The following DIAPH2 variants were observed in gnomAD, a reference collection of about 807,000 sequenced individuals.
The protein encoded by DIAPH2 is diaphanous related formin 2.
Under a neutral mutation model 92.7 loss-of-function variants are expected in DIAPH2, and 35 were observed. The observed-to-expected ratio is 0.38, with a 90% CI of 0.29 to 0.50. The LOEUF (loss-of-function observed/expected upper bound fraction) is 0.50, where lower values mean the gene tolerates loss of function less well. DIAPH2 is among the 20% of genes least tolerant of loss of function. DIAPH2 has a pLI of 0.94. For synonymous variants in DIAPH2, 301 were observed against 280.4 expected (o/e 1.07, Z -0.73); for missense variants, 701 against 819.5 (o/e 0.86, Z 1.77).
intron 26 of DIAPH2, among the ~76,000 whole-genome samples, chrX:97,471,461 C>T (rs910380462): frequency 5.4e-5 from 6 of 110,557 alleles, no homozygotes; most frequent in African/African-American, 9.9e-5. Flanking sequence ...GAGGCCAAGG[C>T]GGGCGGATCA....
At chrX:96,986,699 T>A (rs1269187067) in intron 17 of DIAPH2, among the ~76,000 whole-genome samples, 2 of 111,453 alleles carry the variant, frequency 1.8e-5, no homozygotes, top group Non-Finnish European at 3.8e-5. Context: ...CTTAAGGACA[T>A]GTACCCTGAA....
intron 23 of DIAPH2, among the ~76,000 whole-genome samples, chrX:97,250,843 C>T (rs1478145934): frequency 1.8e-5 from 2 of 111,776 alleles, no homozygotes; most frequent in Non-Finnish European, 3.8e-5. Flanking sequence ...ACAAATGTAT[C>T]ATTGAATCAC....
At chrX:97,054,916 A>G (rs2066545631) in intron 17 of DIAPH2, among the ~76,000 whole-genome samples, 1 of 111,633 alleles carries the variant, frequency 9.0e-6, no homozygotes. Context: ...CTGTAATTTC[A>G]TAGCTCTTCT....
At chrX:96,783,361 A>G (rs1390371459) in intron 4 of DIAPH2, among the ~76,000 whole-genome samples, 1 of 112,437 alleles carries the variant, frequency 8.9e-6, no homozygotes, top group Admixed American at 9.4e-5. Context: ...TGGACAGAAG[A>G]TACAAAGGAA....
intron 17 of DIAPH2, among the ~76,000 whole-genome samples, chrX:97,060,559 C>T (rs1045872890): frequency 3.0e-4 from 33 of 111,583 alleles, no homozygotes; most frequent in Admixed American, 2.7e-3. Context: ...ATCCACCGTA[C>T]ATTTGAGTTT....
At chrX:97,003,987 T>C in intron 17 of DIAPH2, among the ~76,000 whole-genome samples, 1 of 111,833 alleles carries the variant, frequency 8.9e-6, no homozygotes, top group Middle Eastern at 4.6e-3. Context: ...TAGGGGCTAG[T>C]TTCATTCTTC....
At chrX:97,174,616 C>T (rs1307530673) in intron 22 of DIAPH2, among the ~76,000 whole-genome samples, 1 of 111,837 alleles carries the variant, frequency 8.9e-6, no homozygotes, top group African/African-American at 3.2e-5. Context: ...GCTGTTTTCC[C>T]AGGAAACATT....
At chrX:97,227,242 C>A (rs771398244) in intron 22 of DIAPH2, among the ~76,000 whole-genome samples, 1 of 111,259 alleles carries the variant, frequency 9.0e-6, no homozygotes, top group Non-Finnish European at 1.9e-5. Context: ...CCACTGCACT[C>A]CAGCCTGGGT....
At chrX:96,968,282 A>G (rs1398366134) in intron 17 of DIAPH2, among the ~76,000 whole-genome samples, 5 of 110,613 alleles carry the variant, frequency 4.5e-5, no homozygotes, top group Non-Finnish European at 9.4e-5. Flanking sequence ...GCGATGGTGC[A>G]ATCTCAGCTC....
intron 23 of DIAPH2, among the ~76,000 whole-genome samples, chrX:97,260,831 C>T (rs759800941): frequency 7.2e-5 from 8 of 111,868 alleles, no homozygotes; most frequent in Non-Finnish European, 1.5e-4. Flanking sequence ...TTATCCAAAC[C>T]GAACTTTTAA....
At chrX:96,955,691 T>C (rs1200495839) in intron 15 of DIAPH2, among the ~76,000 whole-genome samples, 1 of 112,139 alleles carries the variant, frequency 8.9e-6, no homozygotes. Flanking sequence ...GCAGGCCCCA[T>C]GCAAGTCTAA....
intron 4 of DIAPH2, among the ~76,000 whole-genome samples, chrX:96,830,425 G>C (rs2064844876): frequency 9.2e-6 from 1 of 108,385 alleles, no homozygotes; most frequent in Admixed American, 9.9e-5. Flanking sequence ...CAAAAAATTA[G>C]CCGGGCATGG....
At chrX:97,444,006 A>G (rs1021432430) in intron 26 of DIAPH2, among the ~76,000 whole-genome samples, 6 of 112,431 alleles carry the variant, frequency 5.3e-5, no homozygotes, top group Non-Finnish European at 7.5e-5. Flanking sequence ...TTTCTTTAGA[A>G]TATCAGTAAG....
At chrX:96,753,764 A>T (rs185745259) in intron 3 of DIAPH2, among the ~76,000 whole-genome samples, 213 of 112,236 alleles carry the variant, frequency 1.9e-3, no homozygotes, top group African/African-American at 6.6e-3. Flanking sequence ...TAACTTCCAG[A>T]ACCACACAAC....
rs1015090076 is a variant in DIAPH2 at position 97,302,939 on chromosome X, G to A, written c.2845-45177G>A. Among the ~76,000 whole-genome samples the A allele has an allele frequency of 4.5e-5, 5 of 112,203 alleles. No homozygotes were observed. In the East Asian group the frequency reaches 8.4e-4, roughly 19 times the overall value. ...GCGGAGGTTGCAGTGAGCCGAGATC[G>A]CGCCACTGCACTCCAGCCTAGGGGA... On this transcript the variant is annotated intron_variant, in intron 23 of 26. Transcript: ENST00000324765.
At chrX:97,278,086 C>T (rs7050331) in intron 23 of DIAPH2, among the ~76,000 whole-genome samples, 4 of 111,977 alleles carry the variant, frequency 3.6e-5, no homozygotes, top group African/African-American at 9.7e-5. Flanking sequence ...CCTCGTGATC[C>T]GCGTGCCTCG....
At chrX:97,227,556 A>T (rs1269362272) in intron 22 of DIAPH2, among the ~76,000 whole-genome samples, 2 of 111,879 alleles carry the variant, frequency 1.8e-5, no homozygotes, top group African/African-American at 6.5e-5. Context: ...TGATAAAATG[A>T]TTGCAAAAGA....
intron 24 of DIAPH2, among the ~76,000 whole-genome samples, chrX:97,378,161 T>C (rs2069518550): frequency 9.1e-6 from 1 of 110,201 alleles, no homozygotes; most frequent in Non-Finnish European, 1.9e-5. Flanking sequence ...GGCGGGCGGA[T>C]CACTTGAGGT....
chrX:97,233,248 A>T (rs1326395732), intron 22 of DIAPH2, among the ~76,000 whole-genome samples: 4 of 112,607 alleles, frequency 3.6e-5, no homozygotes, highest in Non-Finnish European at 7.5e-5. Flanking sequence ...TGCTGAACTA[A>T]ATCTTGCCTT....
Sources: gnomAD v4.1 joint callset for allele counts (sites outside exome capture counted in the v4.1 genomes callset) on GRCh38, gnomAD v4.1.1 for gene constraint, MANE v1.5 for transcripts, NCBI Gene and HGNC (gene_info 2026-07-23, HGNC 2026-07-21) for gene names.